Variants in IMMP2L observed in about 807,000 individuals in gnomAD.
IMMP2L encodes mitochondrial inner membrane protease subunit 2.
IMMP2L carries 18 observed loss-of-function variants against 19.3 expected under a neutral mutation model. The ratio of observed to expected loss-of-function variants is 0.93; its 90% CI spans 0.64 to 1.38. The LOEUF is 1.38. Among genes scored for constraint, IMMP2L ranks in the 40% most tolerant of loss-of-function variants. IMMP2L has a pLI of 0.00. For missense variants in IMMP2L, 233 were observed against 218.2 expected, an observed-to-expected ratio of 1.07 and a Z score of -0.43; for synonymous variants, 76 against 73.0, an observed-to-expected ratio of 1.04 and a Z score of -0.21.
At chr7:111,035,650 CT>C (rs1791267648) in intron 3 of IMMP2L, among the ~76,000 whole-genome samples, 1 of 152,172 alleles carries the variant, frequency 6.6e-6, no homozygotes, top group South Asian at 2.1e-4. Context: ...TGGCTAGATA[CT>C]TTCAAATTAT....
chr7:111,298,605 A>G (rs904698787), intron 3 of IMMP2L, among the ~76,000 whole-genome samples: 2 of 151,924 alleles, frequency 1.3e-5, no homozygotes, highest in Non-Finnish European at 2.9e-5. Flanking sequence ...CACAAAAAAA[A>G]TTTAGCTGGG....
At chr7:110,966,596 T>C (rs1819572611) in intron 3 of IMMP2L, among the ~76,000 whole-genome samples, 1 of 151,958 alleles carries the variant, frequency 6.6e-6, no homozygotes, top group African/African-American at 2.4e-5. Context: ...CAAAATAGAG[T>C]ATGCAAAGGG....
At chr7:111,360,796 C>T (rs568913264) in intron 3 of IMMP2L, among the ~76,000 whole-genome samples, 27 of 151,960 alleles carry the variant, frequency 1.8e-4, no homozygotes, top group African/African-American at 5.5e-4. Context: ...ATAGCCTGGG[C>T]GACAGAGCGA....
At chr7:111,478,839 G>C (rs1841940613) in intron 3 of IMMP2L, among the ~76,000 whole-genome samples, 2 of 152,000 alleles carry the variant, frequency 1.3e-5, no homozygotes, top group African/African-American at 4.8e-5. Flanking sequence ...CTTCTAATAT[G>C]CATGGTATAA....
chr7:111,195,999 A>G (rs1809455775), intron 3 of IMMP2L, among the ~76,000 whole-genome samples: 1 of 151,910 alleles, frequency 6.6e-6, no homozygotes, highest in African/African-American at 2.4e-5. Flanking sequence ...CCAAGCAGCT[A>G]GTACCACAGG....
chr7:110,963,652 T>G (rs1404847997), intron 3 of IMMP2L, 87 bp from the exon 4 acceptor site: 1 of 737,526 alleles, frequency 1.4e-6, no homozygotes, highest in South Asian at 2.1e-5. Context: ...AAATAGGCTA[T>G]ATTAAAGTCT....
At chr7:111,185,361 G>A (rs555676952) in intron 3 of IMMP2L, among the ~76,000 whole-genome samples, 33 of 152,172 alleles carry the variant, frequency 2.2e-4, no homozygotes, top group Admixed American at 9.8e-4. Context: ...GCAATCACCC[G>A]TAACTCATAG....
intron 5 of IMMP2L, among the ~76,000 whole-genome samples, chr7:110,780,496 A>C (rs1282192906): frequency 1.3e-5 from 2 of 151,686 alleles, no homozygotes; most frequent in African/African-American, 2.4e-5. Flanking sequence ...GTAAATTTTC[A>C]AACTCTATTG....
intron 3 of IMMP2L, among the ~76,000 whole-genome samples, chr7:111,428,155 A>AT (rs1216569177): frequency 6.6e-6 from 1 of 151,602 alleles, no homozygotes; most frequent in Non-Finnish European, 1.5e-5. Context: ...TAGGAGAGTG[A>AT]TTTTCTTTAT....
intron 3 of IMMP2L, among the ~76,000 whole-genome samples, chr7:111,045,687 G>C (rs993245672): frequency 6.6e-6 from 1 of 152,182 alleles, no homozygotes. Flanking sequence ...GGAGCCATGA[G>C]CCAAGGATGC....
intron 5 of IMMP2L, among the ~76,000 whole-genome samples, chr7:110,681,481 G>C (rs1279914737): frequency 6.6e-6 from 1 of 152,246 alleles, no homozygotes; most frequent in South Asian, 2.1e-4. Context: ...TAGCAGCAGG[G>C]CATGTCACAA....
chr7:111,196,548 A>G (rs1207983837), intron 3 of IMMP2L, among the ~76,000 whole-genome samples: 2 of 152,222 alleles, frequency 1.3e-5, no homozygotes, highest in African/African-American at 2.4e-5. Context: ...TTTTCTAAAT[A>G]AAAGGGACTT....
intron 3 of IMMP2L, among the ~76,000 whole-genome samples, chr7:111,425,447 C>G (rs1310297080): frequency 2.0e-5 from 3 of 150,958 alleles, no homozygotes; most frequent in Non-Finnish European, 4.4e-5. Flanking sequence ...TTCTTGAACT[C>G]TAGTTAACAA....
At chr7:111,134,637 T>C (rs1802161484) in intron 3 of IMMP2L, among the ~76,000 whole-genome samples, 1 of 152,080 alleles carries the variant, frequency 6.6e-6, no homozygotes, top group South Asian at 2.1e-4. Flanking sequence ...AGAAGTGTTT[T>C]GGGGAACTCT....
At chr7:111,328,322 A>G (rs1047491284) in intron 3 of IMMP2L, among the ~76,000 whole-genome samples, 12 of 151,856 alleles carry the variant, frequency 7.9e-5, no homozygotes, top group Non-Finnish European at 1.8e-4. Flanking sequence ...GACTGCAATT[A>G]TGACATATTA....
chr7:111,348,315 T>C (rs1387072988), intron 3 of IMMP2L, among the ~76,000 whole-genome samples: 2 of 152,094 alleles, frequency 1.3e-5, no homozygotes, highest in East Asian at 1.9e-4. Context: ...AAAGTATTTA[T>C]GAAGATGAAA....
chr7:111,174,957 A>G (rs1360905903), intron 3 of IMMP2L, among the ~76,000 whole-genome samples: 2 of 151,806 alleles, frequency 1.3e-5, no homozygotes, highest in Non-Finnish European at 1.5e-5. Context: ...TAGGCTTACA[A>G]TATGCACTTA....
chr7:111,280,754 A>G (rs980890188), intron 3 of IMMP2L, among the ~76,000 whole-genome samples: 4 of 152,092 alleles, frequency 2.6e-5, no homozygotes, highest in Non-Finnish European at 4.4e-5. Context: ...ATAAGAACTG[A>G]TTGAGTAAGA....
chr7:111,228,707 T>A, intron 3 of IMMP2L, among the ~76,000 whole-genome samples: 1 of 152,142 alleles, frequency 6.6e-6, no homozygotes, highest in South Asian at 2.1e-4. Flanking sequence ...CTCTGAAACT[T>A]TGTCAAAAAT....
Sources: gnomAD v4.1 joint callset for allele counts (sites outside exome capture counted in the v4.1 genomes callset) on GRCh38, gnomAD v4.1.1 for gene constraint, MANE v1.5 for transcripts, NCBI Gene and HGNC (gene_info 2026-07-23, HGNC 2026-07-21) for gene names.